NBAS: variants seen among roughly 807,000 people sequenced by gnomAD.
NBAS encodes NAG/BC035112 fusion.
NBAS carries 219 observed loss-of-function variants against 302.5 expected under a neutral mutation model. That is an observed-to-expected ratio of 0.72 (90% CI 0.65 to 0.81). The LOEUF is 0.81. NBAS is among the 30% of genes least tolerant of loss of function. The pLI is 0.00. For missense variants in NBAS, 2,932 were observed against 2,841.6 expected (o/e 1.03, Z -0.72); for synonymous variants, 1,118 against 1,021.6 (o/e 1.09, Z -1.80).
At chr2:15,545,121 A>G (rs964177915) in intron 6 of NBAS, among the ~76,000 whole-genome samples, 3 of 152,240 alleles carry the variant, frequency 2.0e-5, no homozygotes. Flanking sequence ...TCAAGCCTCA[A>G]TAAATGAAAA....
chr2:15,160,595 G>GC, the NBAS span, among the ~76,000 whole-genome samples: 1 of 131,096 alleles, frequency 7.6e-6, no homozygotes, highest in African/African-American at 2.8e-5. Context: ...CGGGGGGAGG[G>GC]GGGGGGGCAG....
intron 44 of NBAS, among the ~76,000 whole-genome samples, chr2:15,275,110 C>T (rs1669512248): frequency 6.6e-6 from 1 of 152,112 alleles, no homozygotes; most frequent in South Asian, 2.1e-4. Context: ...CTCAGGCTAA[C>T]CCAAGCTAAG....
chr2:15,049,042 C>G, the NBAS span, among the ~76,000 whole-genome samples: 1 of 152,206 alleles, frequency 6.6e-6, no homozygotes, highest in Non-Finnish European at 1.5e-5. Flanking sequence ...GTCAGCCAGG[C>G]GAAGGGACTT....
At chr2:15,001,553 C>T in the NBAS span, among the ~76,000 whole-genome samples, 1 of 152,070 alleles carries the variant, frequency 6.6e-6, no homozygotes, top group Non-Finnish European at 1.5e-5. Flanking sequence ...AGTTATAATG[C>T]TACAACATAG....
chr2:14,847,184 C>T, the NBAS span, among the ~76,000 whole-genome samples: 1 of 151,890 alleles, frequency 6.6e-6, no homozygotes, highest in South Asian at 2.1e-4. Flanking sequence ...GAGATTGAGA[C>T]CATCCTGGCT....
chr2:15,433,869 A>C (rs79022329), intron 21 of NBAS, among the ~76,000 whole-genome samples: 1,928 of 152,094 alleles, frequency 0.013, 33 homozygotes, highest in East Asian at 0.06. Context: ...GGCACAGAGA[A>C]GGGATGATTA....
intron 28 of NBAS, among the ~76,000 whole-genome samples, chr2:15,388,580 T>A (rs1675428281): frequency 6.6e-6 from 1 of 152,046 alleles, no homozygotes; most frequent in South Asian, 2.1e-4. Flanking sequence ...TGGCAGAATC[T>A]TCTAAAGTTG....
chr2:15,388,156 C>A (rs1675403133), intron 28 of NBAS, among the ~76,000 whole-genome samples: 1 of 152,138 alleles, frequency 6.6e-6, no homozygotes, highest in Non-Finnish European at 1.5e-5. Context: ...ATGAGGTATT[C>A]CTCCATTTCT....
chr2:15,101,779 C>A, the NBAS span, among the ~76,000 whole-genome samples: 443 of 152,284 alleles, frequency 2.9e-3, 1 homozygote, highest in African/African-American at 0.01. Flanking sequence ...AGGGAGAATT[C>A]TTTTAGAAAC....
At chr2:15,376,787 A>G (rs1485457075) in intron 30 of NBAS, among the ~76,000 whole-genome samples, 1 of 152,180 alleles carries the variant, frequency 6.6e-6, no homozygotes, top group Non-Finnish European at 1.5e-5. Flanking sequence ...TGTATGGGTT[A>G]TTCTCTACAT....
At chr2:14,779,054 G>T in the NBAS span, among the ~76,000 whole-genome samples, 11 of 152,286 alleles carry the variant, frequency 7.2e-5, no homozygotes, top group Middle Eastern at 6.8e-3. Context: ...AAGACGCTTT[G>T]ATCTTTGATT....
the NBAS span, among the ~76,000 whole-genome samples, chr2:14,934,945 C>T: frequency 6.6e-6 from 1 of 152,130 alleles, no homozygotes; most frequent in Non-Finnish European, 1.5e-5. Flanking sequence ...GTATTTTTCT[C>T]TCAGAGCCAG....
At chr2:14,934,225 A>G in the NBAS span, among the ~76,000 whole-genome samples, 2 of 152,208 alleles carry the variant, frequency 1.3e-5, no homozygotes, top group African/African-American at 4.8e-5. Context: ...AGCAATCACT[A>G]TTAATAGCTA....
intron 35 of NBAS, among the ~76,000 whole-genome samples, chr2:15,333,626 A>T (rs906397121): frequency 1.3e-5 from 2 of 152,162 alleles, no homozygotes; most frequent in African/African-American, 4.8e-5. Flanking sequence ...TATTACATTT[A>T]AATGTTTTTA....
chr2:15,358,298 T>A (rs1673721012), intron 32 of NBAS, among the ~76,000 whole-genome samples: 1 of 152,092 alleles, frequency 6.6e-6, no homozygotes, highest in Non-Finnish European at 1.5e-5. Flanking sequence ...TCAGGGAGTC[T>A]ACAGAGTCCT....
intron 41 of NBAS, among the ~76,000 whole-genome samples, chr2:15,290,435 A>G (rs1670256834): frequency 6.6e-6 from 1 of 152,234 alleles, no homozygotes; most frequent in African/African-American, 2.4e-5. Context: ...TTCAAATAGC[A>G]TATGCTAGCT....
chr2:15,004,320 A>T, the NBAS span, among the ~76,000 whole-genome samples: 17 of 152,378 alleles, frequency 1.1e-4, 1 homozygote, highest in African/African-American at 3.8e-4. Context: ...GGAAATTTTT[A>T]AAAATAGCAT....
Position 15,474,337 on chromosome 2 carries a change from A to G in NBAS, c.1342-13T>C. ...GTTTAATCTCACACTAAATTGAAAA[A>G]GGAGATTTGAAGTTAATAGTAAGGA... On this transcript the variant is annotated splice_polypyrimidine_tract_variant and intron_variant, in intron 14 of 51. Coordinates refer to ENST00000281513, the MANE Select transcript of NBAS (RefSeq NM_015909.4). 6.2e-7 allele frequency: 1 copy of G among 1,606,494 alleles called. No homozygotes were observed. Among genetic ancestry groups the G allele is most frequent in the Non-Finnish European group, 8.5e-7 (1 of 1,175,776 alleles).
the NBAS span, among the ~76,000 whole-genome samples, chr2:14,887,359 C>T: frequency 6.8e-5 from 10 of 146,872 alleles, no homozygotes; most frequent in African/African-American, 1.6e-4. Context: ...TCTGAGATCG[C>T]GCCACCGCAC....
Sources: gnomAD v4.1 joint callset for allele counts (sites outside exome capture counted in the v4.1 genomes callset) on GRCh38, gnomAD v4.1.1 for gene constraint, MANE v1.5 for transcripts, NCBI Gene and HGNC (gene_info 2026-07-23, HGNC 2026-07-21) for gene names.